SESTD1: variants seen among roughly 807,000 people sequenced by gnomAD.
SESTD1 encodes the protein SEC14 and spectrin domain containing 1.
Under a neutral mutation model 101.7 loss-of-function variants are expected in SESTD1, and 43 were observed. The observed-to-expected ratio is 0.42, with a 90% CI of 0.33 to 0.55. The LOEUF (loss-of-function observed/expected upper bound fraction) is 0.55. Among genes scored for constraint, SESTD1 ranks in the 20% least tolerant of loss-of-function variants. SESTD1 has a pLI of 0.07. For synonymous variants in SESTD1, 283 were observed against 286.8 expected (o/e 0.99, Z 0.13); for missense variants, 647 against 815.1 (o/e 0.79, Z 2.51).
intron 5 of SESTD1, among the ~76,000 whole-genome samples, chr2:179,152,638 G>C (rs534120940): frequency 6.6e-6 from 1 of 152,056 alleles, no homozygotes; most frequent in African/African-American, 2.4e-5. Flanking sequence ...AATAAATAAG[G>C]AGAAATTACC....
intron 1 of SESTD1, among the ~76,000 whole-genome samples, chr2:179,236,176 T>G (rs1394115426): frequency 6.7e-6 from 1 of 149,396 alleles, no homozygotes; most frequent in Non-Finnish European, 1.5e-5. Flanking sequence ...TGAACTCAAA[T>G]AGCGTTTATT....
rs1383897603 is a variant in SESTD1, at chr2:179,212,979, A to G, written c.-25-21113T>C. On this transcript the variant is annotated intron_variant, in intron 1 of 17. Transcript: ENST00000428443. ...CAACAAAAAGGACATCTACACCAAA[A>G]CTCCATCTGTAGGTCACCAACATCA... Among the ~76,000 whole-genome samples the G allele has an allele frequency of 3.7e-5, 5 of 134,444 alleles. 2 individuals carry two copies. The highest frequency in any genetic ancestry group is 7.2e-5 in the Admixed American group (1 of 13,840). 88.2% of individuals were successfully genotyped at this position (134,444 alleles called of 152,430 possible).
chr2:179,174,102 T>G (rs1303063984), intron 4 of SESTD1, among the ~76,000 whole-genome samples: 1 of 152,124 alleles, frequency 6.6e-6, no homozygotes, highest in African/African-American at 2.4e-5. Flanking sequence ...TATTCATATA[T>G]TGCCTTGTGG....
chr2:179,199,072 GA>G (rs1360469986), intron 1 of SESTD1, among the ~76,000 whole-genome samples: 2 of 151,790 alleles, frequency 1.3e-5, no homozygotes, highest in African/African-American at 2.4e-5. Flanking sequence ...GACTAATAAA[GA>G]AAAAAGAGAG....
At position 179,200,971 on chromosome 2, in the gene SESTD1, C is replaced by G. The variant is rs1221771417; in HGVS notation, c.-25-9105G>C. The stretch of plus-strand genomic sequence containing the variant: ...TCTGCACAGCAAAAGAAACTACCAT[C>G]AGAGTGAACAGGCAACCTACAGAAT... On this transcript the variant is annotated intron_variant, in intron 1 of 17. Coordinates refer to ENST00000428443, the MANE Select transcript of SESTD1 (RefSeq NM_178123.5). Among the ~76,000 whole-genome samples, 4 of 134,228 alleles carry G rather than the reference C, an allele frequency of 3.0e-5. 2 individuals carry two copies. The highest frequency in any genetic ancestry group is 6.4e-5 in the Non-Finnish European group (4 of 62,706). The allele number at this position is 134,228 out of a possible 152,430, so 88.1% of individuals were successfully genotyped here.
rs907125403 is a variant in SESTD1, at chr2:179,246,365, T to C, written c.-26+18134A>G. On this transcript the variant is annotated intron_variant, in intron 1 of 17. Coordinates refer to ENST00000428443, the MANE Select transcript of SESTD1 (RefSeq NM_178123.5). ...AAAGGGCCAATTCATCAAGAAGACATAGCAATCCTAAATGTGTACGCACCA... is the reference window on the plus strand; with the variant it reads ...AAAGGGCCAATTCATCAAGAAGACACAGCAATCCTAAATGTGTACGCACCA... Among the ~76,000 whole-genome samples the C allele has an allele frequency of 1.7e-4, 26 of 151,054 alleles. 1 individual carries two copies. Among genetic ancestry groups the C allele is most frequent in the African/African-American group, 6.3e-4 (26 of 41,056 alleles).
At chr2:179,245,838 T>A (rs1018356303) in intron 1 of SESTD1, among the ~76,000 whole-genome samples, 1 of 152,124 alleles carries the variant, frequency 6.6e-6, no homozygotes, top group African/African-American at 2.4e-5. Context: ...ATATATTCAT[T>A]AAAAAACATG....
intron 1 of SESTD1, among the ~76,000 whole-genome samples, chr2:179,201,918 T>TAGAATA (rs1553525548): frequency 1.9e-5 from 2 of 103,278 alleles, no homozygotes; most frequent in Non-Finnish European, 3.8e-5. Flanking sequence ...AAACTTAAAG[T>TAGAATA]ATAATAATAA....
At chr2:179,220,682 T>C (rs544207113) in intron 1 of SESTD1, among the ~76,000 whole-genome samples, 2 of 152,300 alleles carry the variant, frequency 1.3e-5, no homozygotes, top group East Asian at 3.9e-4. Flanking sequence ...AGGAAATGGA[T>C]ACAGCCACAA....
At chr2:179,144,054 T>C (rs567954517) in intron 8 of SESTD1, among the ~76,000 whole-genome samples, 1 of 152,162 alleles carries the variant, frequency 6.6e-6, no homozygotes, top group South Asian at 2.1e-4. Context: ...CTATATCATA[T>C]ATCATAAATA....
chr2:179,157,102 T>C (rs1228525294), intron 5 of SESTD1, among the ~76,000 whole-genome samples: 1 of 152,116 alleles, frequency 6.6e-6, no homozygotes, highest in African/African-American at 2.4e-5. Flanking sequence ...TTTATGTTTT[T>C]GTTTGCTACC....
chr2:179,140,395 GAC>G (rs2045251488), intron 9 of SESTD1, among the ~76,000 whole-genome samples: 1 of 152,086 alleles, frequency 6.6e-6, no homozygotes, highest in African/African-American at 2.4e-5. Flanking sequence ...TCTGGACACA[GAC>G]ACATACAGAG....
At chr2:179,145,125 T>C (rs1383395062) in intron 8 of SESTD1, among the ~76,000 whole-genome samples, 1 of 152,172 alleles carries the variant, frequency 6.6e-6, no homozygotes, top group Non-Finnish European at 1.5e-5. Flanking sequence ...GGAAAAATAA[T>C]TGTTTTAAAG....
At chr2:179,226,001 T>C (rs1337061978) in intron 1 of SESTD1, among the ~76,000 whole-genome samples, 4 of 152,184 alleles carry the variant, frequency 2.6e-5, no homozygotes, top group Non-Finnish European at 4.4e-5. Flanking sequence ...TTGTTAAAAA[T>C]GGATGATGGG....
chr2:179,142,529 A>G (rs2045302425), intron 9 of SESTD1, among the ~76,000 whole-genome samples: 1 of 152,164 alleles, frequency 6.6e-6, no homozygotes, highest in South Asian at 2.1e-4. Context: ...TGGGATTGGG[A>G]TCATGCTCTA....
chr2:179,225,549 T>G (rs1286310560), intron 1 of SESTD1, among the ~76,000 whole-genome samples: 1 of 152,158 alleles, frequency 6.6e-6, no homozygotes, highest in Non-Finnish European at 1.5e-5. Flanking sequence ...AACCTGAGAC[T>G]GGGTAATTTA....
intron 10 of SESTD1, among the ~76,000 whole-genome samples, chr2:179,129,463 A>G (rs1427026557): frequency 6.6e-6 from 1 of 152,126 alleles, no homozygotes; most frequent in Non-Finnish European, 1.5e-5. Context: ...GTTGGCAGAA[A>G]TTTCATTTTT....
intron 1 of SESTD1, among the ~76,000 whole-genome samples, chr2:179,237,041 ATCT>A (rs1401874032): frequency 6.7e-6 from 1 of 149,276 alleles, no homozygotes; most frequent in Non-Finnish European, 1.5e-5. Context: ...TGATTATATA[ATCT>A]TCTATCAGAA....
rs2044464769 is a variant in SESTD1, at chr2:179,109,710, C to A, written c.*189G>T. ...CTTTTAAGATACTTGGAATCTACAG[C>A]CTCGAAGCATGTTAAGTAATTATGC... On this transcript the variant is annotated 3_prime_UTR_variant, in exon 18 of 18. Transcript: ENST00000428443. 7 of 639,798 alleles carry A rather than the reference C, an allele frequency of 1.1e-5. No individual in the cohort carries two copies. The highest frequency in any genetic ancestry group is 1.8e-5 in the Non-Finnish European group (7 of 390,584). The allele number at this position is 639,798 out of a possible 1,614,324, so 39.6% of individuals were successfully genotyped here. A position where few individuals can be genotyped will look rare whatever the true frequency, so the allele number is the denominator to read the frequency against.
Sources: allele counts gnomAD v4.1 joint callset (sites outside exome capture counted in the v4.1 genomes callset), GRCh38; gene constraint gnomAD v4.1.1; transcripts MANE v1.5; gene names NCBI Gene and HGNC (gene_info 2026-07-23, HGNC 2026-07-21).